The following CDH13 variants were observed in gnomAD, a reference collection of about 807,000 sequenced individuals.
The protein encoded by CDH13 is cadherin-13.
In CDH13, 24 loss-of-function variants were observed where a neutral mutation model predicts 63.8. The observed-to-expected ratio is 0.38, with a 90% CI of 0.27 to 0.53. The LOEUF (loss-of-function observed/expected upper bound fraction) is 0.53, where lower values mean the gene tolerates loss of function less well. CDH13 is among the 20% of genes least tolerant of loss of function. CDH13 has a pLI of 0.85. For missense variants in CDH13, 1,049 were observed against 903.1 expected, an observed-to-expected ratio of 1.16 and a Z score of -2.07; for synonymous variants, 503 against 355.3, an observed-to-expected ratio of 1.42 and a Z score of -4.67.
At chr16:83,766,217 T>A (rs889491) in intron 11 of CDH13, among the ~76,000 whole-genome samples, 89,051 of 151,968 alleles carry the variant, frequency 0.59, 26,878 homozygotes, top group Admixed American at 0.67. Context: ...AGGGTTAGAT[T>A]AGGAAGGATT....
At chr16:83,783,701 G>A (rs1384177868) in intron 13 of CDH13, among the ~76,000 whole-genome samples, 1 of 152,192 alleles carries the variant, frequency 6.6e-6, no homozygotes, top group Non-Finnish European at 1.5e-5. Context: ...TTGTGCAAAG[G>A]TGTTCATTGC....
At chr16:83,289,205 T>G (rs2089405564) in intron 5 of CDH13, among the ~76,000 whole-genome samples, 1 of 152,206 alleles carries the variant, frequency 6.6e-6, no homozygotes, top group African/African-American at 2.4e-5. Context: ...TGAACTTGGT[T>G]GTCAGGAAAT....
At chr16:82,838,435 A>G (rs912675197) in intron 1 of CDH13, among the ~76,000 whole-genome samples, 3 of 152,220 alleles carry the variant, frequency 2.0e-5, no homozygotes, top group East Asian at 1.9e-4. Context: ...GTCCCAAAGA[A>G]CAAATGAAGC....
At chr16:83,196,790 A>C (rs1001335108) in intron 4 of CDH13, among the ~76,000 whole-genome samples, 1 of 152,252 alleles carries the variant, frequency 6.6e-6, no homozygotes, top group African/African-American at 2.4e-5. Flanking sequence ...AAGCAGTAAC[A>C]TCAAATGCTG....
chr16:82,631,875 G>T lies in CDH13; in HGVS notation c.45+4738G>T, dbSNP rs190745324. ...GTGTCACCCTCTGGCTTAGCAAGTT[G>T]AACCTCGAGACATCTGCTTGGTGGT... On this transcript the variant is annotated intron_variant, in intron 1 of 13. Coordinates refer to ENST00000567109, the MANE Select transcript of CDH13 (RefSeq NM_001257.5). 9.9e-5 allele frequency among the ~76,000 whole-genome samples: 15 copies of T among 152,242 alleles called. 1 individual carries two copies. In the Middle Eastern group the frequency reaches 0.01, roughly 104 times the overall value.
intron 1 of CDH13, among the ~76,000 whole-genome samples, chr16:82,649,976 T>C (rs1910535619): frequency 6.6e-6 from 1 of 152,056 alleles, no homozygotes; most frequent in Non-Finnish European, 1.5e-5. Context: ...TGTGTAGGGA[T>C]CCTGTTGCCT....
chr16:82,870,537 C>A (rs933059296), intron 2 of CDH13, among the ~76,000 whole-genome samples: 1 of 151,904 alleles, frequency 6.6e-6, no homozygotes, highest in African/African-American at 2.4e-5. Flanking sequence ...AATGGGTACA[C>A]AAATACAGCT....
intron 3 of CDH13, among the ~76,000 whole-genome samples, chr16:83,116,714 G>A (rs1438733208): frequency 1.3e-5 from 2 of 152,228 alleles, no homozygotes; most frequent in Non-Finnish European, 2.9e-5. Flanking sequence ...GCACAACTCT[G>A]TAAATTTCCT....
intron 1 of CDH13, among the ~76,000 whole-genome samples, chr16:82,846,622 G>A (rs888414234): frequency 6.6e-6 from 1 of 152,170 alleles, no homozygotes; most frequent in African/African-American, 2.4e-5. Context: ...TCTTTACTCT[G>A]AGCTACTTTT....
chr16:83,032,694 C>T (rs1033020717), intron 3 of CDH13, among the ~76,000 whole-genome samples: 1 of 152,134 alleles, frequency 6.6e-6, no homozygotes, highest in Non-Finnish European at 1.5e-5. Flanking sequence ...CATGTGTCCA[C>T]CCCTGAACTA....
intron 4 of CDH13, among the ~76,000 whole-genome samples, chr16:83,156,915 G>T (rs2037230512): frequency 2.0e-5 from 3 of 152,146 alleles, no homozygotes; most frequent in Admixed American, 6.5e-5. Flanking sequence ...TGAAAATAAG[G>T]TCTGCTTTTT....
intron 9 of CDH13, among the ~76,000 whole-genome samples, chr16:83,675,267 G>A (rs2057180743): frequency 6.6e-6 from 1 of 152,200 alleles, no homozygotes; most frequent in Admixed American, 6.5e-5. Context: ...CCATGTGTCA[G>A]CAGCTCCAGG....
intron 1 of CDH13, among the ~76,000 whole-genome samples, chr16:82,686,533 G>C (rs1915087513): frequency 6.6e-6 from 1 of 152,234 alleles, no homozygotes; most frequent in South Asian, 2.1e-4. Context: ...GAATATGCCA[G>C]AGAACAACGA....
At chr16:83,696,661 C>T (rs1050426986) in intron 10 of CDH13, among the ~76,000 whole-genome samples, 5 of 152,242 alleles carry the variant, frequency 3.3e-5, no homozygotes, top group African/African-American at 9.6e-5. Context: ...ATTACCTAGT[C>T]ACTGGTAAAA....
At chr16:83,705,405 G>A (rs184034959) in intron 10 of CDH13, among the ~76,000 whole-genome samples, 3 of 152,180 alleles carry the variant, frequency 2.0e-5, no homozygotes, top group East Asian at 1.9e-4. Context: ...GGCAGATCAC[G>A]AGGTCAGGAG....
intron 2 of CDH13, among the ~76,000 whole-genome samples, chr16:83,011,899 A>G (rs1319958426): frequency 2.0e-5 from 3 of 152,210 alleles, no homozygotes; most frequent in African/African-American, 7.2e-5. Context: ...TGTTTCGTTC[A>G]TTACAGCTAT....
intron 4 of CDH13, among the ~76,000 whole-genome samples, chr16:83,139,300 A>G (rs72800213): frequency 0.16 from 24,602 of 152,142 alleles, 2,136 homozygotes; most frequent in South Asian, 0.22. Context: ...ATGCCTAGGG[A>G]TTTTACTTTA....
chr16:83,756,449 C>G (rs907154333), intron 11 of CDH13, among the ~76,000 whole-genome samples: 2 of 152,212 alleles, frequency 1.3e-5, no homozygotes, highest in Non-Finnish European at 1.5e-5. Flanking sequence ...TTAAAACAAG[C>G]TTGTCCAACC....
chr16:83,422,685 C>G (rs1036958212), intron 6 of CDH13, among the ~76,000 whole-genome samples: 1 of 152,198 alleles, frequency 6.6e-6, no homozygotes, highest in Non-Finnish European at 1.5e-5. Flanking sequence ...GGACGTTTGA[C>G]TTCTCCTCTG....
Sources: allele counts gnomAD v4.1 joint callset (sites outside exome capture counted in the v4.1 genomes callset), GRCh38; gene constraint gnomAD v4.1.1; transcripts MANE v1.5; gene names NCBI Gene and HGNC (gene_info 2026-07-23, HGNC 2026-07-21).